GALNT18: variants seen among roughly 807,000 people sequenced by gnomAD.
The protein encoded by GALNT18 is GalNAc-transferase 18.
A neutral mutation model predicts 69.5 loss-of-function variants in GALNT18; 44 were observed. That is an observed-to-expected ratio of 0.63 (90% CI 0.50 to 0.81). The LOEUF is 0.81. Ranked by LOEUF, GALNT18 falls within the 40% of genes least tolerant of loss-of-function variation. The pLI, the probability that GALNT18 is intolerant of heterozygous loss-of-function variation, is 0.00. For missense variants in GALNT18, 715 were observed against 810.0 expected (o/e 0.88, Z 1.42); for synonymous variants, 364 against 318.2 (o/e 1.14, Z -1.53).
rs1859695843 is a variant in GALNT18, at chr11:11,604,246, T to C, written c.235+17113A>G. ...TTTTCAAAGATTGTGTTGGTTTGGTTAGTAAGTTAAAAATCCATTAAGAGC... is the reference window on the plus strand; with the variant it reads ...TTTTCAAAGATTGTGTTGGTTTGGTCAGTAAGTTAAAAATCCATTAAGAGC... On this transcript the variant is annotated intron_variant, in intron 1 of 10. Coordinates refer to ENST00000227756, the MANE Select transcript of GALNT18 (RefSeq NM_198516.3). This position sits in a 1 kb window ranked among gnomAD's most constrained non-coding sequence, Gnocchi z 5.6. 1.3e-5 allele frequency among the ~76,000 whole-genome samples: 2 copies of C among 152,218 alleles called. No homozygotes were observed. The highest frequency in any genetic ancestry group is 4.8e-5 in the African/African-American group (2 of 41,462).
chr11:11,486,523 C>G (rs1428420377), intron 1 of GALNT18, among the ~76,000 whole-genome samples: 1 of 152,206 alleles, frequency 6.6e-6, no homozygotes, highest in Non-Finnish European at 1.5e-5. Flanking sequence ...TAGTACTAGA[C>G]AGGTTGACAA....
intron 5 of GALNT18, among the ~76,000 whole-genome samples, chr11:11,373,135 T>C (rs1237930417): frequency 6.6e-6 from 1 of 152,018 alleles, no homozygotes; most frequent in African/African-American, 2.4e-5. Flanking sequence ...TAGGTGTCCA[T>C]GAGGAATTTT....
chr11:11,424,972 C>A (rs552160253), intron 3 of GALNT18, among the ~76,000 whole-genome samples: 1 of 152,088 alleles, frequency 6.6e-6, no homozygotes, highest in South Asian at 2.1e-4. Flanking sequence ...ACTGCCTGTG[C>A]GGGAGGATGT....
chr11:11,292,802 C>T (rs1235549560), intron 10 of GALNT18, among the ~76,000 whole-genome samples: 1 of 152,200 alleles, frequency 6.6e-6, no homozygotes, highest in Non-Finnish European at 1.5e-5. Context: ...TAAACTCCCT[C>T]AGAGCCAATA....
intron 1 of GALNT18, among the ~76,000 whole-genome samples, chr11:11,462,382 T>A (rs1430153147): frequency 6.6e-6 from 1 of 151,830 alleles, no homozygotes; most frequent in Non-Finnish European, 1.5e-5. Context: ...GTCCAAGGGA[T>A]CCTCCCACCT....
intron 1 of GALNT18, chr11:11,570,026 G>T (rs142685544): frequency 1.3e-5 from 2 of 152,276 alleles, no homozygotes; most frequent in East Asian, 1.9e-4. Context: ...CACACAGAAA[G>T]AGCCTGTTTC....
intron 10 of GALNT18, among the ~76,000 whole-genome samples, chr11:11,284,534 G>A (rs1564879345): frequency 6.6e-6 from 1 of 152,160 alleles, no homozygotes; most frequent in Non-Finnish European, 1.5e-5. Context: ...ATCCTGAGGT[G>A]GAACGTCTGG....
intron 1 of GALNT18, among the ~76,000 whole-genome samples, chr11:11,572,793 AAAG>A (rs1455330393): frequency 3.3e-5 from 5 of 152,150 alleles, no homozygotes; most frequent in Non-Finnish European, 7.4e-5. Context: ...TGCTCACAGG[AAAG>A]AAGAAAAACA....
chr11:11,384,143 T>C (rs753376599), intron 3 of GALNT18, among the ~76,000 whole-genome samples: 1 of 152,092 alleles, frequency 6.6e-6, no homozygotes, highest in Non-Finnish European at 1.5e-5. Flanking sequence ...CAGTCTGCAA[T>C]GGACTGAGTG....
At chr11:11,575,255 C>T (rs1858894711) in intron 1 of GALNT18, among the ~76,000 whole-genome samples, 1 of 152,198 alleles carries the variant, frequency 6.6e-6, no homozygotes, top group African/African-American at 2.4e-5. Flanking sequence ...TGTCCCACTC[C>T]AGAGCCTGCC....
intron 1 of GALNT18, among the ~76,000 whole-genome samples, chr11:11,486,313 A>C (rs537563513): frequency 1.3e-5 from 2 of 152,290 alleles, no homozygotes; most frequent in Admixed American, 1.3e-4. Flanking sequence ...ATGCTGCATC[A>C]GGACTATCCC....
In GALNT18 at chr11:11,463,210, AC is replaced by A. The variant is rs1856084048; in HGVS notation, c.236-14275del. 7.3e-5 allele frequency among the ~76,000 whole-genome samples: 1 copy of A among 13,614 alleles called. No individual in the cohort carries two copies. The highest frequency in any genetic ancestry group is 2.3e-4 in the Non-Finnish European group (1 of 4,256). 8.9% of individuals were successfully genotyped at this position (13,614 alleles called of 152,430 possible). A position where few individuals can be genotyped will look rare whatever the true frequency, so the allele number is the denominator to read the frequency against. The stretch of plus-strand genomic sequence containing the variant: ...CATACACACTCAGACAGACAGACAG[AC>A]ACACACACACACACAGAGAGAGAGA... On this transcript the variant is annotated intron_variant, in intron 1 of 10. Transcript: ENST00000227756. This position sits in a 1 kb window ranked among gnomAD's most constrained non-coding sequence, Gnocchi z 4.2.
At chr11:11,398,189 A>G (rs1326547169) in intron 3 of GALNT18, among the ~76,000 whole-genome samples, 2 of 152,196 alleles carry the variant, frequency 1.3e-5, no homozygotes, top group Admixed American at 6.5e-5. Context: ...CAGAGGCTTG[A>G]TTCAAATCTG....
chr11:11,350,637 A>C (rs556039014), intron 6 of GALNT18, among the ~76,000 whole-genome samples: 12 of 152,260 alleles, frequency 7.9e-5, no homozygotes, highest in African/African-American at 2.6e-4. Context: ...CACCCCTTGC[A>C]GTCAGGAGGG....
At chr11:11,588,929 C>G (rs1345258856) in intron 1 of GALNT18, among the ~76,000 whole-genome samples, 1 of 152,158 alleles carries the variant, frequency 6.6e-6, no homozygotes, top group Non-Finnish European at 1.5e-5. Flanking sequence ...TTTGCCCAGG[C>G]CTGATGAAGC....
intron 10 of GALNT18, among the ~76,000 whole-genome samples, chr11:11,289,817 C>G (rs963825826): frequency 6.6e-6 from 1 of 152,224 alleles, no homozygotes. Flanking sequence ...ATCTACCACT[C>G]TCAGGCCATG....
chr11:11,293,123 T>A lies in GALNT18; in HGVS notation c.1583A>T (p.Asn528Ile). 1 of 1,371,200 alleles carries A rather than the reference T, an allele frequency of 7.3e-7. No homozygotes were observed. 84.9% of individuals were successfully genotyped at this position (1,371,200 alleles called of 1,614,324 possible). A position where few individuals can be genotyped will look rare whatever the true frequency, so the allele number is the denominator to read the frequency against. ...GCTGTTGACGTCCACCAGGCATCGG[T>A]TGTCATCATCATCCACGGTGGGGCT... ...ILSPTVDDDDNRCLVDVNSRP... is the reference protein window; with the variant it reads ...ILSPTVDDDDIRCLVDVNSRP... The change falls in exon 10 of 11, where the codon AAC becomes ATC. Residue 528 changes from asparagine to isoleucine, a missense_variant. Physicochemically the swap from Asn to Ile is moderately radical, Grantham distance 149. Transcript: ENST00000227756.
rs371007387 is a variant in GALNT18, at chr11:11,563,089, C to T, written c.235+58270G>A. Among the ~76,000 whole-genome samples, 410 of 152,304 alleles carry T rather than the reference C, an allele frequency of 2.7e-3. 3 individuals are homozygous for T. Among genetic ancestry groups the T allele is most frequent in the African/African-American group, 9.7e-3 (403 of 41,548 alleles). On this transcript the variant is annotated intron_variant, in intron 1 of 10. Transcript: ENST00000227756. This position sits in a 1 kb window ranked among gnomAD's most constrained non-coding sequence, Gnocchi z 4.6. ...CACCCCCACCCTGCAAACAAGACTC[C>T]TCCAGCCCAGGAGGTGACCCCCCAC...
chr11:11,584,262 G>T lies in GALNT18; in HGVS notation c.235+37097C>A, dbSNP rs1565026970. On this transcript the variant is annotated intron_variant, in intron 1 of 10. Transcript: ENST00000227756. The surrounding 1 kb of genome is among the most constrained non-coding windows in gnomAD (Gnocchi z 4.1). ...AGCTCGAGGATAGACACTGACCTAT[G>T]CCAGGAAAGGCCTGGAAGTTATGTC... 6.6e-6 allele frequency among the ~76,000 whole-genome samples: 1 copy of T among 152,164 alleles called. No homozygotes were observed. The highest frequency in any genetic ancestry group is 1.5e-5 in the Non-Finnish European group (1 of 68,044).
Sources: allele counts gnomAD v4.1 joint callset (sites outside exome capture counted in the v4.1 genomes callset), GRCh38; gene constraint gnomAD v4.1.1; non-coding constraint Gnocchi (gnomAD v3.1); transcripts MANE v1.5; gene names NCBI Gene and HGNC (gene_info 2026-07-23, HGNC 2026-07-21).